Variants in MICU1 observed in about 807,000 individuals in gnomAD.
MICU1 encodes the protein mitochondrial calcium uptake 1.
In MICU1, 45 loss-of-function variants were observed where a neutral mutation model predicts 56.8. The observed-to-expected ratio is 0.79, with a 90% CI of 0.62 to 1.02. The LOEUF (loss-of-function observed/expected upper bound fraction) is 1.02. MICU1 is among the 50% of genes least tolerant of loss of function. The probability of loss-of-function intolerance (pLI) is 0.00; values close to 1 mark genes in which losing one functional copy is unlikely to be tolerated. For synonymous variants in MICU1, 186 were observed against 195.1 expected (o/e 0.95, Z 0.39); for missense variants, 504 against 587.1 (o/e 0.86, Z 1.46).
intron 9 of MICU1, among the ~76,000 whole-genome samples, chr10:72,413,315 A>G (rs1251153187): frequency 6.6e-6 from 1 of 152,262 alleles, no homozygotes; most frequent in Non-Finnish European, 1.5e-5. Flanking sequence ...CACAATCCAT[A>G]AAGGAAAAAA....
chr10:72,519,514 C>A (rs924522826), intron 5 of MICU1, among the ~76,000 whole-genome samples: 1 of 152,150 alleles, frequency 6.6e-6, no homozygotes, highest in Non-Finnish European at 1.5e-5. Flanking sequence ...CACAGTAAGT[C>A]AAAAACCTAG....
chr10:72,519,889 C>G (rs902365328), intron 5 of MICU1, among the ~76,000 whole-genome samples: 14 of 152,084 alleles, frequency 9.2e-5, no homozygotes, highest in African/African-American at 2.9e-4. Context: ...TACATATCAT[C>G]CAGAAATTCA....
intron 1 of MICU1, among the ~76,000 whole-genome samples, chr10:72,617,617 A>C (rs2132583645): frequency 6.6e-6 from 1 of 152,300 alleles, no homozygotes; most frequent in South Asian, 2.1e-4. Flanking sequence ...GGGTCACTTA[A>C]GGCCAGGAGT....
At chr10:72,583,785 T>TCA (rs1053789110) in intron 1 of MICU1, among the ~76,000 whole-genome samples, 14 of 151,970 alleles carry the variant, frequency 9.2e-5, no homozygotes, top group African/African-American at 3.2e-4. Flanking sequence ...AAATGAATAT[T>TCA]TCAAGTTCTT....
At chr10:72,507,025 C>T (rs1024283840) in intron 6 of MICU1, among the ~76,000 whole-genome samples, 16 of 151,980 alleles carry the variant, frequency 1.1e-4, no homozygotes, top group South Asian at 2.1e-4. Context: ...GGAATAAGAA[C>T]GAAAGTGGTC....
At position 72,408,161 on chromosome 10, in the gene MICU1, A is replaced by G. The variant is rs899782846; in HGVS notation, c.1072-124T>C. 4.9e-6 allele frequency: 3 copies of G among 612,610 alleles called. No individual in the cohort carries two copies. In the African/African-American group the frequency reaches 5.5e-5, roughly 11 times the overall value. 37.9% of individuals were successfully genotyped at this position (612,610 alleles called of 1,614,324 possible). ...CTCATGTCTAGAACAGAAACTGAAT[A>G]CATTAGTCAAGGAATATCAAATTCA... On this transcript the variant is annotated intron_variant, in intron 9 of 11. Transcript: ENST00000361114.
chr10:72,580,836 C>A (rs752468191), intron 1 of MICU1, among the ~76,000 whole-genome samples: 21 of 152,198 alleles, frequency 1.4e-4, no homozygotes, highest in Non-Finnish European at 2.6e-4. Flanking sequence ...ATTATCCATT[C>A]ATTTCCCTAT....
intron 6 of MICU1, among the ~76,000 whole-genome samples, chr10:72,480,554 G>A (rs1866261442): frequency 1.3e-5 from 2 of 152,182 alleles, no homozygotes; most frequent in South Asian, 4.1e-4. Context: ...GCAGGTGGAA[G>A]CCAATGTTTA....
intron 5 of MICU1, among the ~76,000 whole-genome samples, chr10:72,513,214 TTCTTCC>T (rs1867538597): frequency 6.6e-6 from 1 of 152,190 alleles, no homozygotes; most frequent in Admixed American, 6.5e-5. Flanking sequence ...TCACCAATAC[TTCTTCC>T]TCTTCTTCTT....
rs74506795 is a variant in MICU1 at position 72,521,473 on chromosome 10, T to C, written c.537+12273A>G. On this transcript the variant is annotated intron_variant, in intron 5 of 11. Coordinates refer to ENST00000361114, the MANE Select transcript of MICU1 (RefSeq NM_001195518.2). ...CTGACCTCAATTACAGGTGTCAGCA[T>C]CTCATTTGATTTATTCTCTTTAGTA... Among the ~76,000 whole-genome samples, 480 of 152,238 alleles carry C rather than the reference T, an allele frequency of 3.2e-3. 1 individual carries two copies. Among genetic ancestry groups the C allele is most frequent in the African/African-American group, 0.011 (461 of 41,572 alleles).
At chr10:72,434,628 CAG>C (rs1284320829) in intron 8 of MICU1, among the ~76,000 whole-genome samples, 1 of 152,150 alleles carries the variant, frequency 6.6e-6, no homozygotes, top group Non-Finnish European at 1.5e-5. Flanking sequence ...GTTTTGGAAA[CAG>C]AGAGACTGTC....
chr10:72,373,627 CT>C (rs1164924073), intron 11 of MICU1, among the ~76,000 whole-genome samples: 1 of 152,184 alleles, frequency 6.6e-6, no homozygotes, highest in Non-Finnish European at 1.5e-5. Context: ...GACAGAACCT[CT>C]TTCTAAAAAG....
At chr10:72,422,717 T>C (rs1589200353) in intron 9 of MICU1, among the ~76,000 whole-genome samples, 1 of 29,426 alleles carries the variant, frequency 3.4e-5, no homozygotes, top group Non-Finnish European at 1.4e-4. Flanking sequence ...TTAGGTATTC[T>C]TTTTTTTTTT....
In MICU1 at chr10:72,368,176, C is replaced by A. The variant is rs1862208026; in HGVS notation, c.*19G>T. The stretch of plus-strand genomic sequence containing the variant: ...TCCAGGGTACTGGGGGTGGAGGGGT[C>A]CCCTCTTGCAGTGTGGGGTTACTGT... On this transcript the variant is annotated 3_prime_UTR_variant, in exon 12 of 12. Transcript: ENST00000361114. 6.2e-7 allele frequency: 1 copy of A among 1,600,848 alleles called. No homozygotes were observed. Among genetic ancestry groups the A allele is most frequent in the East Asian group, 2.2e-5 (1 of 44,536 alleles).
intron 8 of MICU1, among the ~76,000 whole-genome samples, chr10:72,470,117 T>G (rs1002800041): frequency 2.6e-4 from 40 of 152,196 alleles, no homozygotes; most frequent in African/African-American, 9.6e-4. Flanking sequence ...ACCATTGCCC[T>G]GTTTTACAAA....
chr10:72,406,608 TA>T (rs371156230), intron 10 of MICU1, among the ~76,000 whole-genome samples: 11,744 of 142,136 alleles, frequency 0.083, 1,326 homozygotes, highest in African/African-American at 0.26. Context: ...TACTCCTTAT[TA>T]AAAAAAAAAA....
intron 4 of MICU1, among the ~76,000 whole-genome samples, chr10:72,543,201 A>T (rs548479270): frequency 3.5e-4 from 53 of 152,348 alleles, no homozygotes; most frequent in Non-Finnish European, 6.3e-4. Context: ...CTGTCTGCCT[A>T]GAATTTTTCT....
chr10:72,490,284 G>C (rs1866611623), intron 6 of MICU1, among the ~76,000 whole-genome samples: 1 of 152,098 alleles, frequency 6.6e-6, no homozygotes, highest in Non-Finnish European at 1.5e-5. Context: ...AGATGTAGGT[G>C]AAAGAACCAA....
At chr10:72,556,311 T>C (rs1357379241) in intron 3 of MICU1, among the ~76,000 whole-genome samples, 1 of 152,208 alleles carries the variant, frequency 6.6e-6, no homozygotes, top group Non-Finnish European at 1.5e-5. Context: ...GCAGTAATAG[T>C]AATAATATAC....
Sources: allele counts gnomAD v4.1 joint callset (sites outside exome capture counted in the v4.1 genomes callset), GRCh38; gene constraint gnomAD v4.1.1; transcripts MANE v1.5; gene names NCBI Gene and HGNC (gene_info 2026-07-23, HGNC 2026-07-21).